Variants in NME9 observed in about 807,000 individuals in gnomAD.
The protein encoded by NME9 is NME/NM23 family member 9.
In NME9, 48 loss-of-function variants were observed where a neutral mutation model predicts 44.4. That is an observed-to-expected ratio of 1.08 (90% CI 0.86 to 1.37). The LOEUF (loss-of-function observed/expected upper bound fraction) is 1.37. NME9 is among the 40% of genes most tolerant of loss of function. NME9 has a pLI of 0.00. For synonymous variants in NME9, 139 were observed against 147.1 expected, an observed-to-expected ratio of 0.94 and a Z score of 0.40; for missense variants, 325 against 405.2, an observed-to-expected ratio of 0.80 and a Z score of 1.70.
intron 8 of NME9, among the ~76,000 whole-genome samples, chr3:138,274,233 A>ATGTGTGTGTG (rs142329302): frequency 5.3e-4 from 76 of 142,342 alleles, no homozygotes; most frequent in African/African-American, 2.0e-3. Flanking sequence ...GTGTATATAC[A>ATGTGTGTGTG]TGTGTGTGTG....
chr3:138,308,726 C>T (rs975845806), intron 6 of NME9, among the ~76,000 whole-genome samples: 1 of 152,006 alleles, frequency 6.6e-6, no homozygotes, highest in Non-Finnish European at 1.5e-5. Flanking sequence ...GAAAGTCACA[C>T]GTGTTATATT....
intron 8 of NME9, among the ~76,000 whole-genome samples, chr3:138,292,298 C>T (rs1483796349): frequency 6.6e-6 from 1 of 152,198 alleles, no homozygotes; most frequent in Non-Finnish European, 1.5e-5. Flanking sequence ...CCTCGGCTTC[C>T]CAAAGTGCTG....
intron 8 of NME9, among the ~76,000 whole-genome samples, chr3:138,276,786 T>C (rs762100306): frequency 6.6e-6 from 1 of 152,150 alleles, no homozygotes; most frequent in Admixed American, 6.5e-5. Flanking sequence ...TGGAGAGATA[T>C]ACCATGCTAA....
intron 8 of NME9, among the ~76,000 whole-genome samples, chr3:138,276,680 G>GA (rs2049329300): frequency 6.6e-6 from 1 of 152,082 alleles, no homozygotes; most frequent in Admixed American, 6.5e-5. Context: ...CAGTAACTTA[G>GA]AAAAAAATGA....
chr3:138,280,307 CTTATTA>C (rs572583061), intron 8 of NME9, among the ~76,000 whole-genome samples: 5 of 150,436 alleles, frequency 3.3e-5, no homozygotes, highest in Middle Eastern at 3.4e-3. Context: ...GATTTTCCCA[CTTATTA>C]TTATTATTAT....
intron 3 of NME9, among the ~76,000 whole-genome samples, chr3:138,318,444 C>T (rs1458102845): frequency 7.7e-6 from 1 of 129,616 alleles, no homozygotes; most frequent in African/African-American, 4.9e-5. Flanking sequence ...CTCCTACCCG[C>T]CCCCCAGCTA....
intron 8 of NME9, among the ~76,000 whole-genome samples, chr3:138,269,687 A>G (rs954962978): frequency 2.6e-5 from 4 of 152,172 alleles, no homozygotes; most frequent in African/African-American, 9.6e-5. Flanking sequence ...TCAGCGAAAG[A>G]TGAGAGTGGG....
chr3:138,301,553 T>C lies in NME9; in HGVS notation c.*87A>G. 6.6e-7 allele frequency: 1 copy of C among 1,513,276 alleles called. No individual in the cohort carries two copies. The highest frequency in any genetic ancestry group is 1.4e-5 in the African/African-American group (1 of 72,008). 93.7% of individuals were successfully genotyped at this position (1,513,276 alleles called of 1,614,324 possible). A position where few individuals can be genotyped will look rare whatever the true frequency, so the allele number is the denominator to read the frequency against. On this transcript the variant is annotated 3_prime_UTR_variant, in exon 11 of 11. Transcript: ENST00000333911. Reference sequence around the variant, plus strand: ...AGACAGCTAAACCAAAAAGTATTGGTACTCAAAAGAGTAAGTTCCGATTCC... The same window carrying C: ...AGACAGCTAAACCAAAAAGTATTGGCACTCAAAAGAGTAAGTTCCGATTCC...
At chr3:138,290,101 A>G (rs1322943164) in intron 8 of NME9, among the ~76,000 whole-genome samples, 2 of 152,244 alleles carry the variant, frequency 1.3e-5, no homozygotes. Flanking sequence ...AGAGGCAACA[A>G]AAAGTGCTGG....
At chr3:138,303,364 T>TG (rs2051978692) in intron 10 of NME9, 143 bp downstream of exon 10, 1 of 571,082 alleles carries the variant, frequency 1.8e-6, no homozygotes, top group African/African-American at 1.8e-5. Flanking sequence ...AGTTATATAA[T>TG]GACCTGTATT....
At chr3:138,293,267 C>T (rs556115658) in intron 8 of NME9, among the ~76,000 whole-genome samples, 6 of 152,170 alleles carry the variant, frequency 3.9e-5, no homozygotes, top group African/African-American at 7.2e-5. Flanking sequence ...CTAGGCTGGG[C>T]GCGGTGGCTC....
intron 9 of NME9, 40 bp from the exon 10 acceptor site, chr3:138,303,683 A>ATTTGAAAAGAAATGT: frequency 2.5e-6 from 4 of 1,575,850 alleles, no homozygotes. Flanking sequence ...CAATTGTTTC[A>ATTTGAAAAGAAATGT]TTTGAAAAGA....
intron 8 of NME9, among the ~76,000 whole-genome samples, chr3:138,268,622 A>G (rs2048498819): frequency 6.6e-6 from 1 of 152,108 alleles, no homozygotes; most frequent in South Asian, 2.1e-4. Context: ...ACTAAAAATT[A>G]AACAATCAAC....
At position 138,302,639 on chromosome 3, in the gene NME9, C is replaced by T. The variant is rs186979566; in HGVS notation, c.928+868G>A. 5.7e-4 allele frequency among the ~76,000 whole-genome samples: 87 copies of T among 152,336 alleles called. 1 individual carries two copies. The highest frequency in any genetic ancestry group is 1.6e-3 in the Admixed American group (24 of 15,308). On this transcript the variant is annotated intron_variant, in intron 10 of 10. Transcript: ENST00000333911. ...TCAGCTGGCAGTGGGAATAATTCTA[C>T]TTCATAGAGCAGTGGCAAGTCCACC...
At chr3:138,310,256 A>G (rs1008288603) in intron 6 of NME9, among the ~76,000 whole-genome samples, 3 of 152,186 alleles carry the variant, frequency 2.0e-5, no homozygotes, top group East Asian at 3.9e-4. Context: ...ACTCAAGTAT[A>G]TAAAACAAAC....
intron 1 of NME9, among the ~76,000 whole-genome samples, chr3:138,325,796 ATTTTTTT>A (rs35102089): frequency 1.4e-5 from 2 of 140,334 alleles, no homozygotes; most frequent in Non-Finnish European, 3.1e-5. Context: ...AGATTTAGGG[ATTTTTTT>A]TTTTTTTTTT....
intron 6 of NME9, among the ~76,000 whole-genome samples, chr3:138,311,422 C>T (rs977010306): frequency 2.6e-5 from 4 of 152,106 alleles, no homozygotes; most frequent in Non-Finnish European, 5.9e-5. Flanking sequence ...GATAGCAAAA[C>T]CAGACAAGGA....
chr3:138,301,902 C>T (rs768825541), intron 10 of NME9, among the ~76,000 whole-genome samples, 198 bp from the exon 11 acceptor site: 3 of 152,188 alleles, frequency 2.0e-5, no homozygotes, highest in Non-Finnish European at 2.9e-5. Context: ...GTGTCAGATG[C>T]CAGACCAAGA....
rs746661210 is a variant in NME9 at position 138,290,539 on chromosome 3, C to T, written c.745+12968G>A. On this transcript the variant is annotated intron_variant, in intron 8 of 8. Transcript: ENST00000317876. ...ATGTTCCCAGTAACCTGGCTTTAATCGTTTAGGTTCACAAGAACGCCAGGA... is the reference window on the plus strand; with the variant it reads ...ATGTTCCCAGTAACCTGGCTTTAATTGTTTAGGTTCACAAGAACGCCAGGA... The T allele has an allele frequency of 5.7e-6, 9 of 1,590,646 alleles. 1 individual carries two copies. The East Asian group carries it at 6.8e-5, about 12-fold the overall frequency.
Sources: gnomAD v4.1 joint callset for allele counts (sites outside exome capture counted in the v4.1 genomes callset) on GRCh38, gnomAD v4.1.1 for gene constraint, MANE v1.5 for transcripts, NCBI Gene and HGNC (gene_info 2026-07-23, HGNC 2026-07-21) for gene names.